Variants in UNC13C observed in about 807,000 individuals in gnomAD.
UNC13C encodes the protein unc-13 homolog C.
UNC13C carries 174 observed loss-of-function variants against 245.4 expected under a neutral mutation model. The observed-to-expected ratio is 0.71, with a 90% confidence interval of 0.63 to 0.80. The LOEUF (loss-of-function observed/expected upper bound fraction) is 0.80. UNC13C is among the 30% of genes least tolerant of loss of function. The pLI is 0.00. For synonymous variants in UNC13C, 992 were observed against 895.1 expected, an observed-to-expected ratio of 1.11 and a Z score of -1.93; for missense variants, 2,829 against 2,602.9, an observed-to-expected ratio of 1.09 and a Z score of -1.89.
At chr15:54,231,257 T>C (rs369475302) in intron 4 of UNC13C, among the ~76,000 whole-genome samples, 2 of 152,134 alleles carry the variant, frequency 1.3e-5, no homozygotes, top group Non-Finnish European at 2.9e-5. Flanking sequence ...TTATTGATTA[T>C]TAAGAACATT....
chr15:54,122,127 AT>A (rs201838763), intron 2 of UNC13C, among the ~76,000 whole-genome samples: 2,830 of 146,662 alleles, frequency 0.019, 68 homozygotes, highest in East Asian at 0.091. Context: ...ATCTTGTTCC[AT>A]TTTTTTTTTC....
At chr15:54,574,003 A>G (rs1056098005) in intron 30 of UNC13C, among the ~76,000 whole-genome samples, 7 of 152,246 alleles carry the variant, frequency 4.6e-5, no homozygotes, top group Non-Finnish European at 8.8e-5. Context: ...GAAACTCTCC[A>G]GGAAAGTACG....
At chr15:54,152,828 A>G (rs1480822652) in intron 4 of UNC13C, among the ~76,000 whole-genome samples, 1 of 152,132 alleles carries the variant, frequency 6.6e-6, no homozygotes, top group African/African-American at 2.4e-5. Flanking sequence ...GCTGTTGGGC[A>G]CATCTAATAT....
intron 10 of UNC13C, among the ~76,000 whole-genome samples, chr15:54,275,734 G>C (rs2036814927): frequency 6.6e-6 from 1 of 151,920 alleles, no homozygotes; most frequent in South Asian, 2.1e-4. Flanking sequence ...AATATAAAAT[G>C]GTAAACCACT....
intron 2 of UNC13C, among the ~76,000 whole-genome samples, chr15:54,133,316 GAC>G: frequency 6.6e-6 from 1 of 152,300 alleles, no homozygotes; most frequent in South Asian, 2.1e-4. Context: ...ATACACAGGA[GAC>G]ACACATATAT....
chr15:54,396,170 G>A (rs987625577), intron 18 of UNC13C, among the ~76,000 whole-genome samples: 1 of 151,576 alleles, frequency 6.6e-6, no homozygotes, highest in African/African-American at 2.4e-5. Flanking sequence ...TCTGGCATAT[G>A]TATTTAGCCA....
At chr15:53,897,710 T>C in the UNC13C span, among the ~76,000 whole-genome samples, 1 of 152,234 alleles carries the variant, frequency 6.6e-6, no homozygotes, top group African/African-American at 2.4e-5. Flanking sequence ...ATTTCCTTGA[T>C]GAGAAGCTAT....
the UNC13C span, among the ~76,000 whole-genome samples, chr15:53,860,034 T>C: frequency 2.0e-5 from 3 of 152,222 alleles, no homozygotes; most frequent in Admixed American, 6.5e-5. Context: ...ATCTGAATTC[T>C]CTATCACATT....
the UNC13C span, among the ~76,000 whole-genome samples, chr15:53,932,125 A>C: frequency 6.6e-6 from 1 of 152,154 alleles, no homozygotes; most frequent in African/African-American, 2.4e-5. Context: ...CCTGGCCAAC[A>C]TGGTGAAACC....
chr15:54,621,552 A>C (rs1372566202), intron 30 of UNC13C, among the ~76,000 whole-genome samples: 11 of 152,148 alleles, frequency 7.2e-5, no homozygotes, highest in Non-Finnish European at 1.6e-4. Context: ...TGAAAAGATA[A>C]AGGCCTGGTA....
At chr15:54,546,558 T>C (rs1896488830) in intron 26 of UNC13C, among the ~76,000 whole-genome samples, 164 bp from the exon 27 acceptor site, 2 of 152,280 alleles carry the variant, frequency 1.3e-5, no homozygotes, top group South Asian at 2.1e-4. Flanking sequence ...CCATCAAATA[T>C]AGAGAATTAT....
intron 4 of UNC13C, among the ~76,000 whole-genome samples, chr15:54,147,804 G>GTGTGTGTGTGTA (rs1410238426): frequency 6.6e-6 from 1 of 151,888 alleles, no homozygotes; most frequent in Non-Finnish European, 1.5e-5. Context: ...GTGTGTGTGT[G>GTGTGTGTGTGTA]TGTGTGTATG....
At chr15:54,322,723 A>G (rs1233986998) in intron 14 of UNC13C, among the ~76,000 whole-genome samples, 4 of 152,058 alleles carry the variant, frequency 2.6e-5, no homozygotes, top group Non-Finnish European at 4.4e-5. Context: ...CTGCAAGTAT[A>G]CTGTAACTGA....
At chr15:54,283,700 GTA>G (rs202079665) in intron 10 of UNC13C, among the ~76,000 whole-genome samples, 132 of 100,700 alleles carry the variant, frequency 1.3e-3, no homozygotes, top group East Asian at 5.4e-3. Context: ...ATATATGTGT[GTA>G]TATATATATG....
At position 54,610,932 on chromosome 15, in the gene UNC13C, A is replaced by G. The variant is rs937561952; in HGVS notation, c.6107-11395A>G. On this transcript the variant is annotated intron_variant, in intron 30 of 32. Coordinates refer to ENST00000260323, the MANE Select transcript of UNC13C (RefSeq NM_001080534.3). ...ATCAATCTGACCAATAGTAGTAAGTATTAAAAAAATTTTAGACAACTATAC... is the reference window on the plus strand; with the variant it reads ...ATCAATCTGACCAATAGTAGTAAGTGTTAAAAAAATTTTAGACAACTATAC... Among the ~76,000 whole-genome samples the G allele has an allele frequency of 5.9e-5, 9 of 152,248 alleles. No individual in the cohort carries two copies. In the South Asian group the frequency reaches 1.2e-3, roughly 21 times the overall value.
the UNC13C span, chr15:53,955,656 A>G: frequency 2.0e-5 from 3 of 152,190 alleles, no homozygotes; most frequent in Non-Finnish European, 2.9e-5. Flanking sequence ...GGGAAGTGGC[A>G]GCAGCTCAAG....
intron 2 of UNC13C, among the ~76,000 whole-genome samples, chr15:54,133,496 A>T (rs955827948): frequency 9.8e-5 from 15 of 152,312 alleles, no homozygotes; most frequent in Admixed American, 9.2e-4. Context: ...AACTTACTTT[A>T]ATCCCATTTA....
In UNC13C at chr15:54,511,733, CT is replaced by C. The variant is rs761400775; in HGVS notation, c.5380-13del. 9.0e-6 allele frequency: 14 copies of C among 1,554,568 alleles called. No homozygotes were observed. The highest frequency in any genetic ancestry group is 2.4e-5 in the South Asian group (2 of 83,286). ...ATATAAAAAGATTGCTCATAATAGT[CT>C]TTTTTTCTATATTTAAAGCCCTGTA... On this transcript the variant is annotated intron_variant, in intron 23 of 32. Coordinates refer to ENST00000260323, the MANE Select transcript of UNC13C (RefSeq NM_001080534.3).
chr15:53,854,213 C>G, the UNC13C span, among the ~76,000 whole-genome samples: 20 of 149,786 alleles, frequency 1.3e-4, no homozygotes, highest in African/African-American at 4.9e-4. Context: ...TTCTGCCTCC[C>G]GGATTCAAGT....
Sources: gnomAD v4.1 joint callset for allele counts (sites outside exome capture counted in the v4.1 genomes callset) on GRCh38, gnomAD v4.1.1 for gene constraint, MANE v1.5 for transcripts, NCBI Gene and HGNC (gene_info 2026-07-23, HGNC 2026-07-21) for gene names.